CENPW: variants seen among roughly 807,000 people sequenced by gnomAD.
CENPW encodes centromere protein W.
In CENPW, 3 loss-of-function variants were observed where a neutral mutation model predicts 11.1. The ratio of observed to expected loss-of-function variants is 0.27; its 90% CI spans 0.12 to 0.70. CENPW has a LOEUF of 0.70. CENPW is among the 30% of genes least tolerant of loss of function. The probability of loss-of-function intolerance (pLI) is 0.77; values close to 1 mark genes in which losing one functional copy is unlikely to be tolerated. For missense variants in CENPW, 100 were observed against 105.6 expected, an observed-to-expected ratio of 0.95 and a Z score of 0.23; for synonymous variants, 38 against 42.0, an observed-to-expected ratio of 0.91 and a Z score of 0.37.
At chr6:126,391,175 T>A in the CENPW span, among the ~76,000 whole-genome samples, 1 of 152,048 alleles carries the variant, frequency 6.6e-6, no homozygotes, top group African/African-American at 2.4e-5. Context: ...TTAATTGACA[T>A]GAGATTATAT....
At chr6:126,439,771 A>G in the CENPW span, among the ~76,000 whole-genome samples, 1 of 151,604 alleles carries the variant, frequency 6.6e-6, no homozygotes, top group Non-Finnish European at 1.5e-5. Flanking sequence ...CTTATACTTC[A>G]GGCCATTTCC....
At chr6:126,378,412 C>T in the CENPW span, among the ~76,000 whole-genome samples, 5 of 151,674 alleles carry the variant, frequency 3.3e-5, no homozygotes, top group Middle Eastern at 3.5e-3. Flanking sequence ...AGTAGTTTTG[C>T]ACTCTGCTAT....
the CENPW span, among the ~76,000 whole-genome samples, chr6:126,369,022 G>A: frequency 6.6e-6 from 1 of 152,028 alleles, no homozygotes; most frequent in African/African-American, 2.4e-5. Flanking sequence ...CCACTTATGA[G>A]TGAGAACATA....
intron 2 of CENPW, 54 bp downstream of exon 2, chr6:126,346,372 C>T (rs1381375265): frequency 1.4e-5 from 15 of 1,037,760 alleles, no homozygotes; most frequent in Admixed American, 1.9e-5. Flanking sequence ...AAATAACACT[C>T]GGTTCATCAC....
the CENPW span, among the ~76,000 whole-genome samples, chr6:126,457,859 C>G: frequency 6.6e-6 from 1 of 151,320 alleles, no homozygotes; most frequent in Admixed American, 6.6e-5. Flanking sequence ...ACAGATCATT[C>G]TATGATATAG....
chr6:126,410,315 A>G, the CENPW span, among the ~76,000 whole-genome samples: 3 of 152,066 alleles, frequency 2.0e-5, no homozygotes, highest in African/African-American at 7.2e-5. Flanking sequence ...TAAGTATATC[A>G]TCATATTTTC....
chr6:126,410,911 A>G, the CENPW span, among the ~76,000 whole-genome samples: 1 of 151,856 alleles, frequency 6.6e-6, no homozygotes, highest in East Asian at 1.9e-4. Context: ...TGAGTTGTCA[A>G]TCTGTATTTT....
chr6:126,370,451 A>T, the CENPW span, among the ~76,000 whole-genome samples: 3 of 152,048 alleles, frequency 2.0e-5, no homozygotes, highest in African/African-American at 7.2e-5. Flanking sequence ...AGCATTTTGT[A>T]GTTTTCCTTG....
the CENPW span, among the ~76,000 whole-genome samples, chr6:126,381,792 A>G: frequency 6.6e-6 from 1 of 152,196 alleles, no homozygotes; most frequent in African/African-American, 2.4e-5. Flanking sequence ...CTGCTAGTGC[A>G]GCAAGTTCCT....
the CENPW span, among the ~76,000 whole-genome samples, chr6:126,375,337 G>C: frequency 6.6e-6 from 1 of 152,192 alleles, no homozygotes; most frequent in Non-Finnish European, 1.5e-5. Flanking sequence ...AGTGGGAAGG[G>C]AAGGCATTTG....
chr6:126,374,659 T>TA, the CENPW span, among the ~76,000 whole-genome samples: 1 of 152,196 alleles, frequency 6.6e-6, no homozygotes, highest in Non-Finnish European at 1.5e-5. Flanking sequence ...GTCTTGACCT[T>TA]ACAGTAGTTA....
chr6:126,470,470 G>T, the CENPW span, among the ~76,000 whole-genome samples: 3 of 152,228 alleles, frequency 2.0e-5, no homozygotes, highest in Non-Finnish European at 4.4e-5. Context: ...CAGGGGTGGA[G>T]CCCTGATGGA....
the CENPW span, among the ~76,000 whole-genome samples, chr6:126,463,953 G>A: frequency 1.3e-5 from 2 of 151,670 alleles, no homozygotes; most frequent in African/African-American, 4.8e-5. Flanking sequence ...CTTCTATGAG[G>A]CCAAAATTAC....
chr6:126,409,898 C>A, the CENPW span, among the ~76,000 whole-genome samples: 3 of 151,850 alleles, frequency 2.0e-5, no homozygotes, highest in Non-Finnish European at 4.4e-5. Context: ...GGGATTTAAT[C>A]CATTTATATA....
At chr6:126,476,718 CT>C in the CENPW span, among the ~76,000 whole-genome samples, 1 of 151,860 alleles carries the variant, frequency 6.6e-6, no homozygotes, top group African/African-American at 2.4e-5. Flanking sequence ...GCATATGAAC[CT>C]TTTTTTAAGG....
the CENPW span, among the ~76,000 whole-genome samples, chr6:126,410,059 C>T: frequency 2.6e-5 from 4 of 151,224 alleles, no homozygotes; most frequent in Non-Finnish European, 5.9e-5. Flanking sequence ...TTCTCTTGTC[C>T]TTTTCTTTTG....
At chr6:126,401,778 T>C in the CENPW span, among the ~76,000 whole-genome samples, 1 of 152,062 alleles carries the variant, frequency 6.6e-6, no homozygotes, top group Non-Finnish European at 1.5e-5. Flanking sequence ...TATCCCTCAC[T>C]ATGTCCTGTT....
At chr6:126,388,636 G>C in the CENPW span, among the ~76,000 whole-genome samples, 1 of 151,916 alleles carries the variant, frequency 6.6e-6, no homozygotes, top group South Asian at 2.1e-4. Context: ...AGAATGCATG[G>C]GACGTTGCTT....
At chr6:126,369,068 T>G in the CENPW span, among the ~76,000 whole-genome samples, 4 of 151,906 alleles carry the variant, frequency 2.6e-5, no homozygotes, top group East Asian at 7.8e-4. Flanking sequence ...TTACTTCACT[T>G]AGAATAATGG....
Sources: gnomAD v4.1 joint callset for allele counts (sites outside exome capture counted in the v4.1 genomes callset) on GRCh38, gnomAD v4.1.1 for gene constraint, MANE v1.5 for transcripts, NCBI Gene and HGNC (gene_info 2026-07-23, HGNC 2026-07-21) for gene names.